MME: variants seen among roughly 807,000 people sequenced by gnomAD.
MME encodes the protein neprilysin.
MME carries 98 observed loss-of-function variants against 113.2 expected under a neutral mutation model. That is an observed-to-expected ratio of 0.87 (90% confidence interval 0.74 to 1.02). The LOEUF (loss-of-function observed/expected upper bound fraction) is 1.02. Ranked by LOEUF, MME falls within the 50% of genes least tolerant of loss-of-function variation. The pLI, the probability that MME is intolerant of heterozygous loss-of-function variation, is 0.00. For missense variants in MME, 836 were observed against 896.0 expected, an observed-to-expected ratio of 0.93 and a Z score of 0.86; for synonymous variants, 292 against 300.6, an observed-to-expected ratio of 0.97 and a Z score of 0.30.
intron 1 of MME, among the ~76,000 whole-genome samples, chr3:155,061,421 A>C (rs1305098030): frequency 6.7e-6 from 1 of 149,424 alleles, no homozygotes; most frequent in Non-Finnish European, 1.5e-5. Flanking sequence ...ACTGCACTCC[A>C]ACCTGGGCGA....
upstream of MME, among the ~76,000 whole-genome samples, chr3:155,077,931 A>G (rs1280860524): frequency 6.6e-6 from 1 of 151,360 alleles, no homozygotes; most frequent in East Asian, 1.9e-4. Context: ...ACCGCCAGGC[A>G]TGATTGCTAA....
At chr3:155,083,939 A>G (rs1715405808) in intron 1 of MME, 3 of 511,648 alleles carry the variant, frequency 5.9e-6, no homozygotes, top group Admixed American at 6.5e-5. Flanking sequence ...AAACAAAACA[A>G]CAGCAACAAA....
At chr3:155,139,329 G>C (rs1195459833) in intron 9 of MME, among the ~76,000 whole-genome samples, 1 of 152,068 alleles carries the variant, frequency 6.6e-6, no homozygotes, top group African/African-American at 2.4e-5. Context: ...GTATTAGATT[G>C]GCATGAGGCC....
At position 155,171,198 on chromosome 3, in the gene MME, T is replaced by C. The variant is rs1275862201; in HGVS notation, c.1981-919T>C. Reference sequence around the variant, plus strand: ...AAATTACAATTGTGCAAATATTTTATTACACTTTGAAAATATGTAAATTCT... The same window carrying C: ...AAATTACAATTGTGCAAATATTTTACTACACTTTGAAAATATGTAAATTCT... On this transcript the variant is annotated intron_variant, in intron 20 of 22. Transcript: ENST00000360490. 2.6e-5 allele frequency among the ~76,000 whole-genome samples: 4 copies of C among 152,204 alleles called. No homozygotes were observed. In the East Asian group the frequency reaches 7.7e-4, roughly 29 times the overall value.
intron 1 of MME, among the ~76,000 whole-genome samples, chr3:155,039,086 C>T (rs1713222403): frequency 1.3e-5 from 2 of 152,092 alleles, no homozygotes; most frequent in Non-Finnish European, 2.9e-5. Context: ...TTGGGCAGGA[C>T]CCAAATTCAT....
intron 8 of MME, among the ~76,000 whole-genome samples, chr3:155,127,244 A>G (rs1381492083): frequency 2.0e-5 from 3 of 152,156 alleles, no homozygotes. Flanking sequence ...CAGGCCATCC[A>G]GATGAGGCAG....
At chr3:155,151,326 T>G (rs1308770120) in intron 16 of MME, among the ~76,000 whole-genome samples, 1 of 152,186 alleles carries the variant, frequency 6.6e-6, no homozygotes, top group Non-Finnish European at 1.5e-5. Context: ...TAGGGTTGTA[T>G]TGTAGGGCAC....
chr3:155,162,829 A>G (rs888834811), intron 17 of MME, among the ~76,000 whole-genome samples: 8 of 152,014 alleles, frequency 5.3e-5, no homozygotes, highest in African/African-American at 1.4e-4. Context: ...CCTGGCCAAC[A>G]TGGTGAAACC....
chr3:155,030,678 C>T (rs1576659710), intron 1 of MME, among the ~76,000 whole-genome samples: 1 of 152,018 alleles, frequency 6.6e-6, no homozygotes, highest in East Asian at 1.9e-4. Context: ...AAAGAGGTGC[C>T]AAGCAATCCT....
rs745620432 is a variant in MME, at chr3:155,172,616, C to T, written c.2153+4C>T. 15 of 1,607,264 alleles carry T rather than the reference C, an allele frequency of 9.3e-6. No homozygotes were observed. Among genetic ancestry groups the T allele is most frequent in the South Asian group, 2.2e-5 (2 of 90,964 alleles). ...TGCACAGTCCAGGCAATTTCAGGTGCGTGGATATGAACAGCAATCAAGGTG... is the reference window on the plus strand; with the variant it reads ...TGCACAGTCCAGGCAATTTCAGGTGTGTGGATATGAACAGCAATCAAGGTG... On this transcript the variant is annotated splice_donor_region_variant and intron_variant, in intron 22 of 22. Coordinates refer to ENST00000360490, the MANE Select transcript of MME (RefSeq NM_007289.4).
chr3:155,105,484 T>A (rs578233828), intron 3 of MME, among the ~76,000 whole-genome samples: 5 of 152,184 alleles, frequency 3.3e-5, no homozygotes, highest in African/African-American at 1.2e-4. Context: ...ATTGGTGACG[T>A]TGAGTTTGTA....
At chr3:155,098,984 G>A (rs1037981693) in intron 3 of MME, among the ~76,000 whole-genome samples, 2 of 152,126 alleles carry the variant, frequency 1.3e-5, no homozygotes, top group African/African-American at 4.8e-5. Flanking sequence ...TAAAGTAGGT[G>A]AGGCGGGGAT....
intron 20 of MME, among the ~76,000 whole-genome samples, chr3:155,171,707 C>G (rs891569037): frequency 6.6e-6 from 1 of 152,112 alleles, no homozygotes; most frequent in African/African-American, 2.4e-5. Context: ...TCTGGTGAGT[C>G]TATTTTGCTA....
chr3:155,033,983 G>A lies in MME; in HGVS notation c.-11+9659G>A, dbSNP rs149342608. Among the ~76,000 whole-genome samples the A allele has an allele frequency of 4.6e-3, 694 of 152,146 alleles. 2 individuals are homozygous for A. The highest frequency in any genetic ancestry group is 7.9e-3 in the Admixed American group (121 of 15,274). On this transcript the variant is annotated intron_variant, in intron 1 of 22. Coordinates refer to the MME transcript ENST00000492661. ...AGATACCAACAGATTCAAAATTAGC[G>A]TATTATCTCAATTAATATATGCAGC...
chr3:155,119,455 T>C (rs1302438215), intron 8 of MME, among the ~76,000 whole-genome samples: 5 of 147,714 alleles, frequency 3.4e-5, no homozygotes, highest in Non-Finnish European at 6.0e-5. Flanking sequence ...TTAGGGTACA[T>C]GTGCACATTG....
rs200961860 is a variant in MME at position 155,138,235 on chromosome 3, A to G, written c.854A>G (p.Asn285Ser). ...KVMELEKEIA[N>S]ATAKPEDRND... is the part of the protein sequence containing the mutation. ...ATGGAATTGGAAAAAGAAATTGCCA[A>G]TGTAAAACACATTTTTTTTTCTGAT... Residue 285 changes from asparagine to serine, a missense_variant and splice_region_variant, in exon 9 of 23, where the codon AAT becomes AGT. Coordinates refer to ENST00000360490, the MANE Select transcript of MME (RefSeq NM_007289.4). The G allele has an allele frequency of 2.1e-5, 34 of 1,613,450 alleles. No homozygotes were observed. Among genetic ancestry groups the G allele is most frequent in the Middle Eastern group, 1.7e-4 (1 of 6,050 alleles).
At chr3:155,075,600 G>T (rs776149219), upstream of MME, among the ~76,000 whole-genome samples, 3 of 151,902 alleles carry the variant, frequency 2.0e-5, no homozygotes, top group Non-Finnish European at 4.4e-5. Context: ...GGTTGTATTA[G>T]TACTTTTTAC....
At chr3:155,039,686 A>C (rs1284316552) in intron 1 of MME, among the ~76,000 whole-genome samples, 1 of 152,186 alleles carries the variant, frequency 6.6e-6, no homozygotes, top group East Asian at 1.9e-4. Flanking sequence ...CCTGGATTTT[A>C]GAAAACAAAC....
At chr3:155,167,988 C>A (rs906323592) in intron 18 of MME, among the ~76,000 whole-genome samples, 1 of 152,026 alleles carries the variant, frequency 6.6e-6, no homozygotes, top group Non-Finnish European at 1.5e-5. Flanking sequence ...AATTGGAGCT[C>A]AAAAGGGAGA....
Sources: gnomAD v4.1 joint callset for allele counts (sites outside exome capture counted in the v4.1 genomes callset) on GRCh38, gnomAD v4.1.1 for gene constraint, MANE v1.5 for transcripts, NCBI Gene and HGNC (gene_info 2026-07-23, HGNC 2026-07-21) for gene names.